The following NCOA1 variants were observed in gnomAD, a reference collection of about 807,000 sequenced individuals.
The protein encoded by NCOA1 is nuclear receptor coactivator 1.
Under a neutral mutation model 150.9 loss-of-function variants are expected in NCOA1, and 35 were observed. The ratio of observed to expected loss-of-function variants is 0.23; its 90% CI spans 0.18 to 0.31. The LOEUF (loss-of-function observed/expected upper bound fraction) is 0.31, where lower values mean the gene tolerates loss of function less well. Ranked by LOEUF, NCOA1 falls within the 10% of genes least tolerant of loss-of-function variation. The pLI, the probability that NCOA1 is intolerant of heterozygous loss-of-function variation, is 1.00. For missense variants in NCOA1, 1,491 were observed against 1,749.3 expected (o/e 0.85, Z 2.63); for synonymous variants, 590 against 630.0 (o/e 0.94, Z 0.95).
chr2:24,761,944 C>T (rs554197548), intron 21 of NCOA1, among the ~76,000 whole-genome samples: 1 of 152,312 alleles, frequency 6.6e-6, no homozygotes, highest in East Asian at 1.9e-4. Flanking sequence ...TGTTCCATGT[C>T]ATCTATTCAG....
intron 1 of NCOA1, among the ~76,000 whole-genome samples, chr2:24,538,564 C>A (rs890255531): frequency 6.6e-6 from 1 of 152,194 alleles, no homozygotes; most frequent in African/African-American, 2.4e-5. Flanking sequence ...GCGATGTTCT[C>A]TTAAAATCTT....
intron 19 of NCOA1, among the ~76,000 whole-genome samples, chr2:24,750,618 CA>C: frequency 6.6e-6 from 1 of 152,254 alleles, no homozygotes; most frequent in Admixed American, 6.5e-5. Flanking sequence ...AATTTCCCCC[CA>C]AAAAGCAAAT....
intron 20 of NCOA1, among the ~76,000 whole-genome samples, chr2:24,754,693 G>A (rs1224778263): frequency 6.6e-6 from 1 of 152,126 alleles, no homozygotes; most frequent in African/African-American, 2.4e-5. Context: ...TTGACATACT[G>A]TGTGATAGTC....
chr2:24,560,118 G>C (rs989608810), intron 1 of NCOA1, among the ~76,000 whole-genome samples: 5 of 152,156 alleles, frequency 3.3e-5, no homozygotes, highest in Non-Finnish European at 5.9e-5. Context: ...GTCAAGGCAC[G>C]TGGAAAATCT....
intron 3 of NCOA1, among the ~76,000 whole-genome samples, chr2:24,623,107 C>G (rs1349642886): frequency 6.6e-6 from 1 of 152,190 alleles, no homozygotes; most frequent in East Asian, 1.9e-4. Flanking sequence ...GTATACTTTT[C>G]TTGGAATATG....
intron 1 of NCOA1, among the ~76,000 whole-genome samples, chr2:24,563,084 A>C (rs1455556903): frequency 6.6e-6 from 1 of 152,156 alleles, no homozygotes; most frequent in Non-Finnish European, 1.5e-5. Context: ...TTGGTCAGTG[A>C]TGGTCAGTGA....
Position 24,735,305 on chromosome 2 carries a change from A to G in NCOA1, c.3202-4127A>G, listed in dbSNP as rs916560715. On this transcript the variant is annotated intron_variant, in intron 17 of 22. Coordinates refer to ENST00000348332, the MANE Select transcript of NCOA1 (RefSeq NM_003743.5). ...CCCAGTTTGTAATCTGCTATTCATA[A>G]TATATTTACCTCATTGGATTGATAC... Among the ~76,000 whole-genome samples the G allele has an allele frequency of 2.0e-5, 3 of 152,274 alleles. No individual in the cohort carries two copies. The South Asian group carries it at 6.2e-4, about 32-fold the overall frequency.
At position 24,726,353 on chromosome 2, in the gene NCOA1, A is replaced by G. The variant is rs547277042; in HGVS notation, c.2600-236A>G. Among the ~76,000 whole-genome samples the G allele has an allele frequency of 5.3e-5, 8 of 152,298 alleles. No individual in the cohort carries two copies. The South Asian group carries it at 1.7e-3, about 32-fold the overall frequency. On this transcript the variant is annotated intron_variant, in intron 14 of 22. Coordinates refer to ENST00000348332, the MANE Select transcript of NCOA1 (RefSeq NM_003743.5). ...GAGTGATTCTGGATAACAGTAACCT[A>G]TGTACAAACTTTAATATCAGATTTT...
chr2:24,494,823 G>A (rs1663131250), intron 1 of NCOA1, among the ~76,000 whole-genome samples: 1 of 152,132 alleles, frequency 6.6e-6, no homozygotes. Flanking sequence ...ACCCATTTGG[G>A]AAGACTAGAC....
rs1220528208 is a variant in NCOA1 at position 24,706,898 on chromosome 2, G to A, written c.1428G>A (p.Met476Ile). The A allele has an allele frequency of 1.9e-6, 3 of 1,614,038 alleles. No homozygotes were observed. Among genetic ancestry groups the A allele is most frequent in the Admixed American group, 3.3e-5 (2 of 60,004 alleles). Residue 476 changes from methionine (M) to isoleucine (I), a missense_variant, in exon 13 of 23, where the codon ATG becomes ATA. Physicochemically the swap from Met to Ile is conservative, Grantham distance 10. Coordinates refer to ENST00000348332, the MANE Select transcript of NCOA1 (RefSeq NM_003743.5). ...NPSLNLNNSPMEGTGISLAQF... is the reference protein window; with the variant it reads ...NPSLNLNNSPIEGTGISLAQF... The stretch of plus-strand genomic sequence containing the variant: ...CTTTAAACCTCAATAATTCTCCTAT[G>A]GAAGGTACAGGAATATCCCTAGCAC...
intron 1 of NCOA1, among the ~76,000 whole-genome samples, chr2:24,534,619 A>T (rs1215611712): frequency 6.6e-6 from 1 of 152,104 alleles, no homozygotes; most frequent in Non-Finnish European, 1.5e-5. Context: ...ACTTTGCTTT[A>T]AATGTGTCCC....
chr2:24,530,904 T>G (rs555564721), intron 1 of NCOA1, among the ~76,000 whole-genome samples: 1 of 152,332 alleles, frequency 6.6e-6, no homozygotes, highest in Admixed American at 6.5e-5. Context: ...ATATCAGACT[T>G]CTTTATAGCT....
chr2:24,710,085 T>TTTTA (rs1051782869), intron 13 of NCOA1, among the ~76,000 whole-genome samples: 27 of 151,566 alleles, frequency 1.8e-4, no homozygotes, highest in African/African-American at 3.4e-4. Context: ...TTTTATTTTA[T>TTTTA]TTTATTTATT....
At chr2:24,730,893 A>C (rs1394561306) in intron 17 of NCOA1, among the ~76,000 whole-genome samples, 2 of 146,584 alleles carry the variant, frequency 1.4e-5, no homozygotes, top group Non-Finnish European at 1.5e-5. Context: ...AAAAAAAAAA[A>C]CGGGCATGGT....
intron 2 of NCOA1, among the ~76,000 whole-genome samples, chr2:24,569,236 G>A (rs1472181660): frequency 1.3e-5 from 2 of 152,136 alleles, no homozygotes; most frequent in Admixed American, 6.5e-5. Flanking sequence ...AGCAGCAATA[G>A]TATTTTGCTT....
chr2:24,585,262 C>G (rs1285272389), intron 3 of NCOA1, among the ~76,000 whole-genome samples: 1 of 152,032 alleles, frequency 6.6e-6, no homozygotes. Context: ...GGAGTCTTAC[C>G]AATTTTTGTA....
At chr2:24,652,369 C>CT in intron 4 of NCOA1, among the ~76,000 whole-genome samples, 1 of 152,158 alleles carries the variant, frequency 6.6e-6, no homozygotes, top group Admixed American at 6.5e-5. Flanking sequence ...GTTCAGATCT[C>CT]TATTTATCAT....
chr2:24,578,603 A>G (rs1173006008), intron 2 of NCOA1, among the ~76,000 whole-genome samples: 1 of 152,186 alleles, frequency 6.6e-6, no homozygotes, highest in Non-Finnish European at 1.5e-5. Context: ...AACAATAGTG[A>G]ATAACTTTTT....
intron 9 of NCOA1, among the ~76,000 whole-genome samples, chr2:24,692,977 C>T (rs1672736271): frequency 6.6e-6 from 1 of 152,204 alleles, no homozygotes; most frequent in Non-Finnish European, 1.5e-5. Flanking sequence ...TCTCCTGCCT[C>T]AGCCTCCCGA....
Sources: gnomAD v4.1 joint callset for allele counts (sites outside exome capture counted in the v4.1 genomes callset) on GRCh38, gnomAD v4.1.1 for gene constraint, MANE v1.5 for transcripts, NCBI Gene and HGNC (gene_info 2026-07-23, HGNC 2026-07-21) for gene names.